The following PPIL4 variants were observed in gnomAD, a reference collection of about 807,000 sequenced individuals.
PPIL4 encodes the protein peptidyl-prolyl cis-trans isomerase-like 4.
Under a neutral mutation model 69.1 loss-of-function variants are expected in PPIL4, and 50 were observed. The ratio of observed to expected loss-of-function variants is 0.72; its 90% CI spans 0.58 to 0.92. The LOEUF (loss-of-function observed/expected upper bound fraction) is 0.92, where lower values mean the gene tolerates loss of function less well. Among genes scored for constraint, PPIL4 ranks in the 40% least tolerant of loss-of-function variants. PPIL4 has a pLI of 0.00. For missense variants in PPIL4, 480 were observed against 587.9 expected (o/e 0.82, Z 1.90); for synonymous variants, 193 against 191.6 (o/e 1.01, Z -0.06).
chr6:149,516,535 G>C (rs926298212), intron 11 of PPIL4, among the ~76,000 whole-genome samples: 1 of 152,106 alleles, frequency 6.6e-6, no homozygotes, highest in South Asian at 2.1e-4. Flanking sequence ...CCATTTACCA[G>C]AAAGAATCAC....
intron 6 of PPIL4, among the ~76,000 whole-genome samples, chr6:149,533,778 T>C (rs538390745): frequency 5.8e-4 from 88 of 152,246 alleles, no homozygotes; most frequent in African/African-American, 2.0e-3. Flanking sequence ...TAATAATTAA[T>C]TGGACAGCAA....
intron 10 of PPIL4, among the ~76,000 whole-genome samples, chr6:149,520,833 T>C (rs1777019334): frequency 6.6e-6 from 1 of 151,934 alleles, no homozygotes; most frequent in African/African-American, 2.4e-5. Context: ...GCCAACGTGG[T>C]GAAACCCCAT....
chr6:149,545,844 A>G, intron 1 of PPIL4, 92 bp downstream of exon 1: 1 of 1,204,260 alleles, frequency 8.3e-7, no homozygotes, highest in Non-Finnish European at 1.2e-6. Context: ...CTCGAGCTCT[A>G]GCCAATCTCT....
intron 10 of PPIL4, among the ~76,000 whole-genome samples, chr6:149,520,529 T>C (rs993680043): frequency 6.6e-6 from 1 of 152,104 alleles, no homozygotes; most frequent in Non-Finnish European, 1.5e-5. Flanking sequence ...ATAGAAAATA[T>C]AATTTTTCAT....
intron 11 of PPIL4, 91 bp downstream of exon 11, chr6:149,517,263 G>T: frequency 2.8e-6 from 2 of 723,536 alleles, no homozygotes; most frequent in Non-Finnish European, 4.7e-6. Flanking sequence ...GTCTTCTATA[G>T]CTTTTGTGAC....
At chr6:149,520,914 G>A (rs1777020255) in intron 10 of PPIL4, 146 bp downstream of exon 10, 1 of 548,266 alleles carries the variant, frequency 1.8e-6, no homozygotes, top group South Asian at 2.1e-5. Flanking sequence ...TTGGGAGGCT[G>A]AGGCATGAGA....
In PPIL4 at chr6:149,535,635, G is replaced by A; in HGVS notation, c.425C>T (p.Thr142Ile). 2 of 1,612,418 alleles carry A rather than the reference G, an allele frequency of 1.2e-6. No homozygotes were observed. Among genetic ancestry groups the A allele is most frequent in the South Asian group, 1.1e-5 (1 of 91,008 alleles). Residue 142 changes from threonine (T) to isoleucine (I), a missense_variant, in exon 5 of 13, where the codon ACC (threonine) becomes ATC (isoleucine). Coordinates refer to ENST00000253329, the MANE Select transcript of PPIL4 (RefSeq NM_139126.4). Reference sequence around the variant, plus strand: ...TGGTACAAAGTCCTTGTCAACAAAGGTCTCATTAATTTTCTTAATTATGTC... The same window carrying A: ...TGGTACAAAGTCCTTGTCAACAAAGATCTCATTAATTTTCTTAATTATGTC... ...GMDIIKKINE[T>I]FVDKDFVPYQ...
At chr6:149,545,475 C>T (rs1777424792) in intron 1 of PPIL4, among the ~76,000 whole-genome samples, 3 of 152,206 alleles carry the variant, frequency 2.0e-5, no homozygotes. Context: ...CAGACAACCT[C>T]TTCCTCCTCC....
chr6:149,544,852 T>C (rs1411470948), intron 1 of PPIL4, among the ~76,000 whole-genome samples: 1 of 152,188 alleles, frequency 6.6e-6, no homozygotes, highest in Non-Finnish European at 1.5e-5. Flanking sequence ...GAGGTAGTTA[T>C]TGTACAATAT....
chr6:149,539,421 A>C (rs1487050904), intron 4 of PPIL4, among the ~76,000 whole-genome samples: 1 of 152,096 alleles, frequency 6.6e-6, no homozygotes, highest in Non-Finnish European at 1.5e-5. Context: ...TCTGTCACCC[A>C]AGCTGGAGTG....
rs1777024101 is a variant in PPIL4, at chr6:149,521,151, T to C, written c.891A>G (p.Ala297=). The C allele has an allele frequency of 1.9e-6, 3 of 1,584,990 alleles. No homozygotes were observed. Among genetic ancestry groups the C allele is most frequent in the Non-Finnish European group, 2.6e-6 (3 of 1,158,912 alleles). ...TAAGCACATTGTCCATTTTGAAGAA[T>C]GCTTTCTCACAATCTTCTTCCTGAT... ...EFEKEEDCEK[A]FFKMDNVLID... is the part of the protein sequence containing the mutation. The change falls in exon 10 of 13, where the codon GCA becomes GCG. Residue 297 remains alanine, a synonymous_variant. Transcript: ENST00000253329.
chr6:149,519,439 T>C (rs867971897), intron 10 of PPIL4, among the ~76,000 whole-genome samples: 1 of 152,206 alleles, frequency 6.6e-6, no homozygotes, highest in South Asian at 2.1e-4. Context: ...TGAATATACT[T>C]ACTGGAATCT....
chr6:149,526,786 A>C lies in PPIL4; in HGVS notation c.679-10T>G. ...CAGGTAGGTCTCCCACCTAAATTAC[A>C]AACAAACAAAAACATAAATCAATTC... On this transcript the variant is annotated splice_polypyrimidine_tract_variant and intron_variant, in intron 7 of 12. Transcript: ENST00000253329. 1 of 1,609,606 alleles carries C rather than the reference A, an allele frequency of 6.2e-7. No homozygotes were observed. Among genetic ancestry groups the C allele is most frequent in the Non-Finnish European group, 8.5e-7 (1 of 1,177,336 alleles).
chr6:149,532,451 G>C (rs1264417736), intron 7 of PPIL4, among the ~76,000 whole-genome samples: 2 of 152,104 alleles, frequency 1.3e-5, no homozygotes, highest in Non-Finnish European at 2.9e-5. Context: ...AATTCTCTTA[G>C]AATTTGTCTT....
chr6:149,541,328 A>AATAAATAG (rs2115041095), intron 3 of PPIL4, 39 bp downstream of exon 3: 1 of 825,392 alleles, frequency 1.2e-6, no homozygotes, highest in African/African-American at 1.8e-5. Flanking sequence ...TAAATAAATA[A>AATAAATAG]ATAAATAAAT....
In PPIL4 at chr6:149,512,165, T is replaced by C; in HGVS notation, c.1217A>G (p.Asn406Ser). 6.2e-7 allele frequency: 1 copy of C among 1,606,228 alleles called. No homozygotes were observed. Among genetic ancestry groups the C allele is most frequent in the Non-Finnish European group, 8.5e-7 (1 of 1,177,056 alleles). Residue 406 changes from asparagine to serine, a missense_variant, in exon 12 of 13, where the codon AAT becomes AGT. Transcript: ENST00000253329. ...KEDEDYMPIK[N>S]TNQDIYREMG... Reference sequence around the variant, plus strand: ...GGACATTAGAGGTACCTGATTAGTATTTTTGATTGGCATGTAGTCCTCATC... The same window carrying C: ...GGACATTAGAGGTACCTGATTAGTACTTTTGATTGGCATGTAGTCCTCATC...
intron 9 of PPIL4, among the ~76,000 whole-genome samples, chr6:149,522,763 C>T (rs924959803): frequency 1.1e-4 from 17 of 152,164 alleles, no homozygotes; most frequent in Non-Finnish European, 2.5e-4. Context: ...CAGGCACGCA[C>T]CACCATGCCC....
intron 9 of PPIL4, among the ~76,000 whole-genome samples, chr6:149,522,856 C>A (rs1486529263): frequency 3.3e-5 from 5 of 152,138 alleles, no homozygotes; most frequent in African/African-American, 1.2e-4. Flanking sequence ...CGTGATCCAC[C>A]CACCTCGGCC....
In PPIL4 at chr6:149,531,755, C is replaced by T. The variant is rs1777203037; in HGVS notation, c.678+1703G>A. On this transcript the variant is annotated intron_variant, in intron 7 of 12. Coordinates refer to ENST00000253329, the MANE Select transcript of PPIL4 (RefSeq NM_139126.4). Reference sequence around the variant, plus strand: ...CGCGATCTCGGCTCACAGCAACTTTCGCCTGCTGGGTTCAAGCGATTCTCC... The same window carrying T: ...CGCGATCTCGGCTCACAGCAACTTTTGCCTGCTGGGTTCAAGCGATTCTCC... Among the ~76,000 whole-genome samples, 3 of 151,982 alleles carry T rather than the reference C, an allele frequency of 2.0e-5. No homozygotes were observed. The South Asian group carries it at 6.2e-4, about 31-fold the overall frequency.
Sources: allele counts gnomAD v4.1 joint callset (sites outside exome capture counted in the v4.1 genomes callset), GRCh38; gene constraint gnomAD v4.1.1; transcripts MANE v1.5; gene names NCBI Gene and HGNC (gene_info 2026-07-23, HGNC 2026-07-21).